The following SMARCAL1 variants were observed in gnomAD, a reference collection of about 807,000 sequenced individuals.
The protein encoded by SMARCAL1 is ATP-driven annealing helicase.
SMARCAL1 carries 58 observed loss-of-function variants against 94.5 expected under a neutral mutation model. That is an observed-to-expected ratio of 0.61 (90% CI 0.50 to 0.76). The LOEUF is 0.76. Ranked by LOEUF, SMARCAL1 falls within the 30% of genes least tolerant of loss-of-function variation. SMARCAL1 has a pLI of 0.00. For synonymous variants in SMARCAL1, 422 were observed against 455.1 expected (o/e 0.93, Z 0.93); for missense variants, 1,051 against 1,177.9 (o/e 0.89, Z 1.58).
intron 12 of SMARCAL1, among the ~76,000 whole-genome samples, chr2:216,458,911 C>T (rs1694634208): frequency 6.6e-6 from 1 of 152,186 alleles, no homozygotes; most frequent in African/African-American, 2.4e-5. Flanking sequence ...TTGCAGATGA[C>T]ATGATTGTAT....
chr2:216,435,200 T>A (rs1469796642), intron 8 of SMARCAL1, 138 bp from the exon 9 acceptor site: 12 of 854,738 alleles, frequency 1.4e-5, no homozygotes, highest in Non-Finnish European at 2.2e-5. Flanking sequence ...GTCCTGTTAG[T>A]GGCAAGTGAA....
rs1694788250 is a variant in SMARCAL1 at position 216,464,608 on chromosome 2, G to T, written c.2082G>T (p.Gln694His). The T allele has an allele frequency of 6.2e-7, 1 of 1,611,086 alleles. No homozygotes were observed. Among genetic ancestry groups the T allele is most frequent in the Non-Finnish European group, 8.5e-7 (1 of 1,178,446 alleles). Reference protein sequence around the residue: ...MTTKDKTKQQQKDALILFFNR... With the variant: ...MTTKDKTKQQHKDALILFFNR... ...TTATCTTTCAACAGAAACAGCAGCA[G>T]AAAGATGCCCTCATTCTCTTCTTCA... The change falls in exon 13 of 18, where the codon CAG becomes CAT. Residue 694 changes from glutamine to histidine, a missense_variant. Gln to His is a conservative substitution (Grantham distance 24). This residue lies in a region of SMARCAL1 where 642 missense variants were observed against 754.7 expected (regional missense o/e 0.85). Transcript: ENST00000357276.
intron 13 of SMARCAL1, among the ~76,000 whole-genome samples, chr2:216,467,325 G>T (rs891472470): frequency 1.3e-5 from 2 of 152,040 alleles, no homozygotes; most frequent in Non-Finnish European, 2.9e-5. Context: ...ACAAAAATTA[G>T]CTGGGCGTTG....
At chr2:216,431,996 C>G (rs1307473967) in intron 7 of SMARCAL1, among the ~76,000 whole-genome samples, 6 of 152,244 alleles carry the variant, frequency 3.9e-5, no homozygotes, top group African/African-American at 1.2e-4. Flanking sequence ...TTTCACCCTA[C>G]CAGCTCTTCT....
chr2:216,420,028 CAAAAAAAAAAAAA>C (rs60555710), intron 4 of SMARCAL1, among the ~76,000 whole-genome samples: 1 of 40,172 alleles, frequency 2.5e-5, no homozygotes, highest in African/African-American at 9.1e-5. Flanking sequence ...GACCCCGTCT[CAAAAAAAAAAAAA>C]AAAAAAGAAA....
At chr2:216,452,286 T>C (rs1232953342) in intron 12 of SMARCAL1, among the ~76,000 whole-genome samples, 1 of 152,196 alleles carries the variant, frequency 6.6e-6, no homozygotes, top group East Asian at 1.9e-4. Flanking sequence ...TTTGTTTATT[T>C]TTAGAGATAA....
intron 16 of SMARCAL1, among the ~76,000 whole-genome samples, chr2:216,477,700 A>G (rs192833581): frequency 7.8e-4 from 118 of 152,184 alleles, no homozygotes; most frequent in Non-Finnish European, 1.2e-3. Flanking sequence ...AAGATTTTCA[A>G]CCCTAGGGTT....
At chr2:216,459,207 A>G (rs932326634) in intron 12 of SMARCAL1, among the ~76,000 whole-genome samples, 11 of 152,344 alleles carry the variant, frequency 7.2e-5, no homozygotes, top group Non-Finnish European at 1.2e-4. Flanking sequence ...ATGGAAGAAC[A>G]TTCCATACTC....
intron 6 of SMARCAL1, 124 bp downstream of exon 6, chr2:216,423,807 G>C (rs1486530897): frequency 2.3e-6 from 2 of 865,740 alleles, no homozygotes; most frequent in East Asian, 2.6e-5. Context: ...CTTGAGTACA[G>C]GGTAAGTAAA....
At chr2:216,427,120 G>A (rs1029482233) in intron 6 of SMARCAL1, 1 of 152,184 alleles carries the variant, frequency 6.6e-6, no homozygotes, top group Non-Finnish European at 1.5e-5. Context: ...GAAAACATTA[G>A]CATCTCTGCT....
At position 216,460,189 on chromosome 2, in the gene SMARCAL1, G is replaced by A. The variant is rs1433114714; in HGVS notation, c.2071-4408G>A. 9.2e-5 allele frequency among the ~76,000 whole-genome samples: 14 copies of A among 152,268 alleles called. No homozygotes were observed. In the East Asian group the frequency reaches 2.5e-3, roughly 27 times the overall value. On this transcript the variant is annotated intron_variant, in intron 12 of 17. Coordinates refer to ENST00000357276, the MANE Select transcript of SMARCAL1 (RefSeq NM_014140.4). ...ATCATTAAAAAGTCAGGAAACAACA[G>A]GTGCTAGAGAGGATGTGGAGAAATA...
At chr2:216,455,375 G>T (rs943547267) in intron 12 of SMARCAL1, among the ~76,000 whole-genome samples, 7 of 152,250 alleles carry the variant, frequency 4.6e-5, no homozygotes. Context: ...CATGGAGTTT[G>T]AGATCTGAGA....
rs755745286 is a variant in SMARCAL1 at position 216,435,335 on chromosome 2, C to T, written c.1486-3C>T. The T allele has an allele frequency of 6.2e-7, 1 of 1,614,076 alleles. No homozygotes were observed. The highest frequency in any genetic ancestry group is 1.7e-5 in the Admixed American group (1 of 60,022). On this transcript the variant is annotated splice_polypyrimidine_tract_variant and splice_region_variant and intron_variant, in intron 8 of 17. Transcript: ENST00000357276. ...TAGCTTTGTTCCCTCCTGTCATCCA[C>T]AGGCCTTCCTTCGGTGGCTGCCATC...
intron 9 of SMARCAL1, among the ~76,000 whole-genome samples, chr2:216,436,270 C>T (rs1020420534): frequency 3.9e-5 from 6 of 152,170 alleles, no homozygotes; most frequent in African/African-American, 9.6e-5. Flanking sequence ...TGCCCGGCCT[C>T]TAATTGTTTT....
At chr2:216,417,735 C>T (rs930885827) in intron 4 of SMARCAL1, among the ~76,000 whole-genome samples, 4 of 152,214 alleles carry the variant, frequency 2.6e-5, no homozygotes, top group Middle Eastern at 3.4e-3. Flanking sequence ...GGTGTTGGAA[C>T]GGGGAGACCC....
chr2:216,441,650 C>T (rs1694198455), intron 10 of SMARCAL1, among the ~76,000 whole-genome samples: 1 of 152,116 alleles, frequency 6.6e-6, no homozygotes, highest in East Asian at 1.9e-4. Context: ...CTATATGTAC[C>T]TTGCATATTT....
chr2:216,457,155 T>C (rs1304113832), intron 12 of SMARCAL1, among the ~76,000 whole-genome samples: 1 of 152,200 alleles, frequency 6.6e-6, no homozygotes, highest in Non-Finnish European at 1.5e-5. Flanking sequence ...TAAATATATA[T>C]GCACCCAATA....
chr2:216,450,766 G>A, intron 11 of SMARCAL1, 80 bp from the exon 12 acceptor site: 1 of 1,147,038 alleles, frequency 8.7e-7, no homozygotes, highest in East Asian at 2.4e-5. Flanking sequence ...TGAGAAGAGG[G>A]ACCTCCCGGG....
chr2:216,414,268 C>G (rs936863108), intron 2 of SMARCAL1: 2 of 171,398 alleles, frequency 1.2e-5, no homozygotes, highest in Admixed American at 1.2e-4. Context: ...AGCAATTCTC[C>G]TGCCTCAGCC....
Sources: allele counts gnomAD v4.1 joint callset (sites outside exome capture counted in the v4.1 genomes callset), GRCh38; gene constraint gnomAD v4.1.1; regional missense constraint gnomAD v4.1.1; transcripts MANE v1.5; gene names NCBI Gene and HGNC (gene_info 2026-07-23, HGNC 2026-07-21).